ENOX1: variants seen among roughly 807,000 people sequenced by gnomAD.
ENOX1 encodes candidate growth-related and time keeping constitutive hydroquinone (NADH) oxidase.
Under a neutral mutation model 82.5 loss-of-function variants are expected in ENOX1, and 42 were observed. That is an observed-to-expected ratio of 0.51 (90% confidence interval 0.40 to 0.66). The LOEUF is 0.66. Ranked by LOEUF, ENOX1 falls within the 30% of genes least tolerant of loss-of-function variation. The pLI is 0.00. For missense variants in ENOX1, 608 were observed against 811.6 expected, an observed-to-expected ratio of 0.75 and a Z score of 3.05; for synonymous variants, 271 against 282.2, an observed-to-expected ratio of 0.96 and a Z score of 0.40.
rs143085396 is a variant in ENOX1 at position 43,389,806 on chromosome 13, C to G, written c.208+22110G>C. On this transcript the variant is annotated intron_variant, in intron 5 of 16. Transcript: ENST00000690772. The stretch of plus-strand genomic sequence containing the variant: ...AGTCATCTTGTTTAAGTGAAAATAT[C>G]TCTTGATTTAGATATAGAACCCCAT... Among the ~76,000 whole-genome samples, 18 of 152,266 alleles carry G rather than the reference C, an allele frequency of 1.2e-4. No homozygotes were observed. In the East Asian group the frequency reaches 3.5e-3, roughly 29 times the overall value.
intron 3 of ENOX1, among the ~76,000 whole-genome samples, chr13:43,464,639 A>G (rs2057639515): frequency 6.6e-6 from 1 of 152,210 alleles, no homozygotes; most frequent in Admixed American, 6.5e-5. Flanking sequence ...TAATAGAAAG[A>G]GTTCCTACAT....
chr13:43,577,661 A>G (rs1053625534), intron 2 of ENOX1, among the ~76,000 whole-genome samples: 1 of 152,180 alleles, frequency 6.6e-6, no homozygotes, highest in Admixed American at 6.5e-5. Context: ...AAATCCTCCC[A>G]AAGGACCCCA....
intron 2 of ENOX1, among the ~76,000 whole-genome samples, chr13:43,563,858 TC>T (rs1358744248): frequency 3.9e-5 from 6 of 152,040 alleles, no homozygotes; most frequent in Admixed American, 6.6e-5. Flanking sequence ...ATAAAAGGTC[TC>T]GCAGTAAAGA....
chr13:43,458,314 C>A (rs2057318609), intron 3 of ENOX1, among the ~76,000 whole-genome samples: 1 of 152,042 alleles, frequency 6.6e-6, no homozygotes, highest in Non-Finnish European at 1.5e-5. Flanking sequence ...TTAAATCATA[C>A]AATGCATATA....
intron 2 of ENOX1, among the ~76,000 whole-genome samples, chr13:43,583,975 T>C (rs1003525366): frequency 6.6e-6 from 1 of 152,158 alleles, no homozygotes; most frequent in African/African-American, 2.4e-5. Context: ...GAAGAATAGT[T>C]TCCCCTTAAA....
chr13:43,226,063 C>G (rs1295034834), intron 15 of ENOX1, among the ~76,000 whole-genome samples: 2 of 151,900 alleles, frequency 1.3e-5, no homozygotes, highest in African/African-American at 4.8e-5. Context: ...TTGTGTTGTC[C>G]CCTCCCCTTA....
intron 3 of ENOX1, among the ~76,000 whole-genome samples, chr13:43,445,702 T>C (rs996966303): frequency 6.6e-6 from 1 of 152,146 alleles, no homozygotes; most frequent in East Asian, 1.9e-4. Flanking sequence ...ACCAGCATAA[T>C]AGGACCATTA....
chr13:43,357,248 C>T (rs2050214977), intron 7 of ENOX1, among the ~76,000 whole-genome samples: 1 of 152,146 alleles, frequency 6.6e-6, no homozygotes, highest in Admixed American at 6.5e-5. Flanking sequence ...CTAGGCTGCA[C>T]TGTGCTGATG....
intron 1 of ENOX1, among the ~76,000 whole-genome samples, chr13:43,679,645 G>A (rs1370590552): frequency 6.6e-6 from 1 of 152,126 alleles, no homozygotes; most frequent in Admixed American, 6.6e-5. Context: ...TTTAAGATAA[G>A]ACAATTGGGT....
intron 1 of ENOX1, among the ~76,000 whole-genome samples, chr13:43,761,249 A>G (rs1013383133): frequency 3.9e-5 from 6 of 152,206 alleles, no homozygotes; most frequent in Admixed American, 2.6e-4. Flanking sequence ...TCAGCACTAA[A>G]ACCAGTGAAA....
At chr13:43,461,082 C>T (rs2057464497) in intron 3 of ENOX1, among the ~76,000 whole-genome samples, 1 of 152,150 alleles carries the variant, frequency 6.6e-6, no homozygotes, top group Non-Finnish European at 1.5e-5. Flanking sequence ...ATCTGGTTAG[C>T]TTTTTAAAAA....
At chr13:43,710,916 T>A (rs2087654680) in intron 1 of ENOX1, among the ~76,000 whole-genome samples, 2 of 152,140 alleles carry the variant, frequency 1.3e-5, no homozygotes, top group Non-Finnish European at 2.9e-5. Flanking sequence ...AGTTGGTTTT[T>A]TAAATTATTA....
chr13:43,216,346 G>A (rs894852502), intron 16 of ENOX1, among the ~76,000 whole-genome samples: 1 of 152,130 alleles, frequency 6.6e-6, no homozygotes, highest in Non-Finnish European at 1.5e-5. Context: ...GGTATTGTAA[G>A]GATTATATGT....
intron 2 of ENOX1, among the ~76,000 whole-genome samples, chr13:43,526,553 G>C (rs1593638274): frequency 6.6e-6 from 1 of 152,092 alleles, no homozygotes; most frequent in Non-Finnish European, 1.5e-5. Flanking sequence ...GAGAAAAGCA[G>C]TGTTTAGCAG....
intron 1 of ENOX1, among the ~76,000 whole-genome samples, chr13:43,707,798 A>G (rs2087416381): frequency 6.6e-6 from 1 of 151,752 alleles, no homozygotes; most frequent in South Asian, 2.1e-4. Context: ...TGATTCCAAA[A>G]TTTACAAAAA....
intron 2 of ENOX1, among the ~76,000 whole-genome samples, chr13:43,487,171 C>T (rs1185126393): frequency 2.1e-5 from 2 of 95,246 alleles, no homozygotes; most frequent in Admixed American, 2.2e-4. Flanking sequence ...GACTCTGTCT[C>T]AAAAAAAAAA....
intron 1 of ENOX1, among the ~76,000 whole-genome samples, chr13:43,729,720 A>G (rs572653325): frequency 6.6e-6 from 1 of 152,374 alleles, no homozygotes; most frequent in South Asian, 2.1e-4. Context: ...TACAAAAGGA[A>G]GCAGATGACA....
At chr13:43,479,137 G>A (rs2058410539) in intron 3 of ENOX1, among the ~76,000 whole-genome samples, 1 of 152,086 alleles carries the variant, frequency 6.6e-6, no homozygotes, top group Non-Finnish European at 1.5e-5. Flanking sequence ...AGTAAGTGAG[G>A]CAGAAGGCAG....
chr13:43,743,148 A>G (rs1209216501), intron 1 of ENOX1, among the ~76,000 whole-genome samples: 3 of 152,200 alleles, frequency 2.0e-5, no homozygotes, highest in Non-Finnish European at 4.4e-5. Context: ...GAACAAGTTC[A>G]GGGTTGCCCA....
Sources: gnomAD v4.1 joint callset for allele counts (sites outside exome capture counted in the v4.1 genomes callset) on GRCh38, gnomAD v4.1.1 for gene constraint, MANE v1.5 for transcripts, NCBI Gene and HGNC (gene_info 2026-07-23, HGNC 2026-07-21) for gene names.